RMC1: variants seen among roughly 807,000 people sequenced by gnomAD.
The protein encoded by RMC1 is regulator of MON1-CCZ1.
Under a neutral mutation model 95.5 loss-of-function variants are expected in RMC1, and 44 were observed. The observed-to-expected ratio is 0.46, with a 90% confidence interval of 0.36 to 0.59. The LOEUF is 0.59. RMC1 is among the 20% of genes least tolerant of loss of function. The pLI is 0.00. For missense variants in RMC1, 705 were observed against 819.6 expected (o/e 0.86, Z 1.71); for synonymous variants, 320 against 303.6 (o/e 1.05, Z -0.56).
intron 9 of RMC1, 46 bp downstream of exon 9, chr18:23,519,220 C>T (rs1379709210): frequency 1.3e-6 from 2 of 1,563,244 alleles, no homozygotes. Flanking sequence ...TGCTTAAAAG[C>T]CTTGTGAAAA....
At chr18:23,513,057 G>A (rs1257792000) in intron 5 of RMC1, among the ~76,000 whole-genome samples, 2 of 152,010 alleles carry the variant, frequency 1.3e-5, no homozygotes, top group Non-Finnish European at 2.9e-5. Context: ...GGGTTCAGGC[G>A]ATTCTCCTGT....
rs375700834 is a variant in RMC1 at position 23,503,584 on chromosome 18, C to A, written c.-35C>A. 1.3e-6 allele frequency: 2 copies of A among 1,511,790 alleles called. No homozygotes were observed. The highest frequency in any genetic ancestry group is 4.0e-5 in the Admixed American group (2 of 50,456). The allele number at this position is 1,511,790 out of a possible 1,614,324, so 93.6% of individuals were successfully genotyped here. On this transcript the variant is annotated 5_prime_UTR_variant, in exon 1 of 20. Transcript: ENST00000269221. ...GCATCCTGCTCCACTCTGGCGACCG[C>A]CCCCGGGGCCCCCGCCGCGGGCGCG...
At chr18:23,514,931 T>C in intron 5 of RMC1, among the ~76,000 whole-genome samples, 1 of 152,146 alleles carries the variant, frequency 6.6e-6, no homozygotes, top group East Asian at 1.9e-4. Flanking sequence ...TGTTCTGTAA[T>C]ATCGGAATAT....
intron 10 of RMC1, 59 bp downstream of exon 10, chr18:23,520,372 A>C: frequency 2.5e-5 from 34 of 1,357,454 alleles, no homozygotes; most frequent in Non-Finnish European, 3.3e-5. Context: ...CTGTGTTCTC[A>C]CCATGATCTT....
chr18:23,511,588 T>A (rs1379412676), intron 5 of RMC1, among the ~76,000 whole-genome samples: 1 of 151,972 alleles, frequency 6.6e-6, no homozygotes, highest in Non-Finnish European at 1.5e-5. Flanking sequence ...CCTCTATTTT[T>A]AAAAATAAAT....
Position 23,506,950 on chromosome 18 carries a change from C to T in RMC1, c.180-20C>T, listed in dbSNP as rs758066127. ...TAGAATTCGGTTATTTAACTACTAA[C>T]ACAATCTTTCTTCTTAAAGAATGGA... On this transcript the variant is annotated intron_variant, in intron 2 of 19. Transcript: ENST00000269221. The T allele has an allele frequency of 1.9e-6, 3 of 1,540,426 alleles. No homozygotes were observed. The highest frequency in any genetic ancestry group is 2.7e-6 in the Non-Finnish European group (3 of 1,119,272).
intron 2 of RMC1, among the ~76,000 whole-genome samples, chr18:23,505,937 C>T (rs58300868): frequency 2.0e-5 from 3 of 151,944 alleles, no homozygotes; most frequent in African/African-American, 7.3e-5. Flanking sequence ...GAGGCCGAGG[C>T]GGGTGGATCA....
Position 23,529,841 on chromosome 18 carries a change from C to T in RMC1, c.1494+129C>T, listed in dbSNP as rs534172227. The T allele has an allele frequency of 3.7e-6, 4 of 1,080,524 alleles. No individual in the cohort carries two copies. The Admixed American group carries it at 6.0e-5, about 16-fold the overall frequency. 66.9% of individuals were successfully genotyped at this position (1,080,524 alleles called of 1,614,324 possible). A position where few individuals can be genotyped will look rare whatever the true frequency, so the allele number is the denominator to read the frequency against. The stretch of plus-strand genomic sequence containing the variant: ...CCCTGACTCAGAATGCTGAGTGACT[C>T]CTGACATTATTAGTTGGAATGGGAA... On this transcript the variant is annotated intron_variant, in intron 16 of 19. Coordinates refer to ENST00000269221, the MANE Select transcript of RMC1 (RefSeq NM_013326.5).
At chr18:23,526,020 G>C (rs2058289611) in intron 12 of RMC1, among the ~76,000 whole-genome samples, 2 of 152,252 alleles carry the variant, frequency 1.3e-5, no homozygotes, top group South Asian at 4.1e-4. Context: ...GTGTTTTCCT[G>C]TACAGCTGCT....
At chr18:23,514,646 A>G (rs2057952560) in intron 5 of RMC1, among the ~76,000 whole-genome samples, 1 of 152,186 alleles carries the variant, frequency 6.6e-6, no homozygotes, top group Non-Finnish European at 1.5e-5. Flanking sequence ...AATTTTGTAC[A>G]TGTGATTGCA....
At chr18:23,529,847 A>G (rs754710862) in intron 16 of RMC1, 135 bp downstream of exon 16, 2 of 1,068,094 alleles carry the variant, frequency 1.9e-6, no homozygotes, top group Non-Finnish European at 2.8e-6. Context: ...GACTCCTGAC[A>G]TTATTAGTTG....
intron 10 of RMC1, among the ~76,000 whole-genome samples, chr18:23,520,920 G>A (rs1302108593): frequency 1.3e-5 from 2 of 152,232 alleles, no homozygotes; most frequent in Admixed American, 6.5e-5. Flanking sequence ...GTTTCACCAT[G>A]TTGGCCAGGC....
chr18:23,518,355 G>A (rs983232259), intron 7 of RMC1, among the ~76,000 whole-genome samples: 1 of 152,110 alleles, frequency 6.6e-6, no homozygotes, highest in Non-Finnish European at 1.5e-5. Context: ...AGCCAGGCAC[G>A]GTGGCACGTG....
chr18:23,510,633 C>T (rs1007603432), intron 5 of RMC1, among the ~76,000 whole-genome samples: 18 of 150,472 alleles, frequency 1.2e-4, no homozygotes, highest in South Asian at 6.3e-4. Flanking sequence ...GGCAACAGAG[C>T]GAGACTCCGT....
At chr18:23,514,298 T>G (rs544557895) in intron 5 of RMC1, among the ~76,000 whole-genome samples, 120 of 152,360 alleles carry the variant, frequency 7.9e-4, no homozygotes, top group Non-Finnish European at 9.7e-4. Flanking sequence ...GGCGATCATC[T>G]GAGGTCAGGA....
chr18:23,507,180 G>GTTGCA, intron 3 of RMC1, 126 bp downstream of exon 3: 1 of 639,780 alleles, frequency 1.6e-6, no homozygotes, highest in Non-Finnish European at 2.7e-6. Context: ...GTATAGTTAT[G>GTTGCA]TTGCATTGTA....
chr18:23,506,781 C>T, intron 2 of RMC1, 189 bp from the exon 3 acceptor site: 1 of 487,000 alleles, frequency 2.1e-6, no homozygotes, highest in Non-Finnish European at 3.7e-6. Context: ...GTAAGTTTCC[C>T]AGCAAGTTCT....
chr18:23,531,253 T>C (rs747908990), intron 19 of RMC1, among the ~76,000 whole-genome samples: 1 of 152,090 alleles, frequency 6.6e-6, no homozygotes, highest in Non-Finnish European at 1.5e-5. Flanking sequence ...CCTCCCAAAG[T>C]GCTGGGATTA....
intron 10 of RMC1, chr18:23,522,507 TTGTTAG>T (rs1189819688): frequency 6.6e-6 from 1 of 152,170 alleles, no homozygotes; most frequent in Admixed American, 6.6e-5. Flanking sequence ...TCATCAGCTA[TTGTTAG>T]TGTTAGTGTA....
Sources: gnomAD v4.1 joint callset for allele counts (sites outside exome capture counted in the v4.1 genomes callset) on GRCh38, gnomAD v4.1.1 for gene constraint, MANE v1.5 for transcripts, NCBI Gene and HGNC (gene_info 2026-07-23, HGNC 2026-07-21) for gene names.